The following PLEKHH1 variants were observed in gnomAD, a reference collection of about 807,000 sequenced individuals.
The protein encoded by PLEKHH1 is pleckstrin homology domain-containing family H member 1.
PLEKHH1 carries 104 observed loss-of-function variants against 160.0 expected under a neutral mutation model. The observed-to-expected ratio is 0.65, with a 90% CI of 0.55 to 0.76. The LOEUF (loss-of-function observed/expected upper bound fraction) is 0.76, where lower values mean the gene tolerates loss of function less well. Ranked by LOEUF, PLEKHH1 falls within the 30% of genes least tolerant of loss-of-function variation. PLEKHH1 has a pLI of 0.00. For synonymous variants in PLEKHH1, 619 were observed against 678.4 expected (o/e 0.91, Z 1.36); for missense variants, 1,427 against 1,724.1 (o/e 0.83, Z 3.05).
intron 4 of PLEKHH1, 65 bp from the exon 5 acceptor site, chr14:67,559,543 C>T (rs552480974): frequency 1.7e-6 from 2 of 1,169,858 alleles, no homozygotes; most frequent in African/African-American, 1.5e-5. Context: ...TGGGGTTTCC[C>T]ACCTCCAGTC....
rs374024390 is a variant in PLEKHH1, at chr14:67,575,434, G to T, written c.2131G>T (p.Gly711Trp). 4 of 1,609,818 alleles carry T rather than the reference G, an allele frequency of 2.5e-6. No homozygotes were observed. The African/African-American group carries it at 5.3e-5, about 22-fold the overall frequency. ...HSKVVWCALV[G>W]KIFYYYRSHE... is the part of the protein sequence containing the mutation. ...CAAGGTGGTCTGGTGCGCTCTTGTT[G>T]GGAAAATCTTCTACTACTATCGGAG... The change falls in exon 15 of 29, where the codon GGG becomes TGG. Residue 711 changes from glycine to tryptophan, a missense_variant. Coordinates refer to ENST00000329153, the MANE Select transcript of PLEKHH1 (RefSeq NM_020715.3).
intron 27 of PLEKHH1, 99 bp downstream of exon 27, chr14:67,585,753 G>C (rs981957599): frequency 5.2e-5 from 55 of 1,049,752 alleles, no homozygotes; most frequent in Non-Finnish European, 7.1e-5. Flanking sequence ...AGTGACCATG[G>C]CTGCCCTACC....
chr14:67,578,264 T>G lies in PLEKHH1; in HGVS notation c.2751+65T>G. The G allele has an allele frequency of 7.0e-7, 1 of 1,431,792 alleles. No homozygotes were observed. Among genetic ancestry groups the G allele is most frequent in the Non-Finnish European group, 9.7e-7 (1 of 1,027,222 alleles). 88.7% of individuals were successfully genotyped at this position (1,431,792 alleles called of 1,614,324 possible). On this transcript the variant is annotated intron_variant, in intron 19 of 28. Transcript: ENST00000329153. The surrounding 1 kb of genome is among the most constrained non-coding windows in gnomAD (Gnocchi z 5.0). ...GGCAAGGGCTGCCAGGTGGGAAAGG[T>G]GGGAGGAGGTGACTGGGCAGGTATA...
chr14:67,568,533 C>A (rs1441571474), intron 7 of PLEKHH1, among the ~76,000 whole-genome samples: 1 of 151,992 alleles, frequency 6.6e-6, no homozygotes, highest in African/African-American at 2.4e-5. Flanking sequence ...GTGCAGTAGA[C>A]CACCATGACA....
chr14:67,535,968 A>C (rs557303381), intron 1 of PLEKHH1, among the ~76,000 whole-genome samples: 15 of 152,336 alleles, frequency 9.8e-5, no homozygotes, highest in African/African-American at 3.6e-4. Context: ...CTGAGTCTCA[A>C]AGAAGTTAAG....
At position 67,579,735 on chromosome 14, in the gene PLEKHH1, C is replaced by T. The variant is rs74626126; in HGVS notation, c.3042C>T (p.Asp1014=). ...TCCCGCCTCAGGTGGTTGGTTTTGA[C>T]GGCTCTTCCACGGTTGATGAGTTCC... is the stretch of plus-strand genomic sequence containing the variant. ...TNGTYHVVGF[D]GSSTVDEFLQ... Residue 1014 remains aspartate, a synonymous_variant, in exon 22 of 29, where the codon GAC becomes GAT. Coordinates refer to ENST00000329153, the MANE Select transcript of PLEKHH1 (RefSeq NM_020715.3). The T allele has an allele frequency of 1.8e-3, 2,881 of 1,612,498 alleles. 52 individuals are homozygous for T. The African/African-American group carries it at 0.033, about 19-fold the overall frequency.
At chr14:67,577,025 G>A (rs1430103431) in intron 17 of PLEKHH1, among the ~76,000 whole-genome samples, 1 of 151,998 alleles carries the variant, frequency 6.6e-6, no homozygotes, top group African/African-American at 2.4e-5. Context: ...TAAGAAAGAG[G>A]CCTCCCCTGC....
chr14:67,558,274 C>G (rs1473139508), intron 4 of PLEKHH1, among the ~76,000 whole-genome samples: 1 of 152,208 alleles, frequency 6.6e-6, no homozygotes, highest in Non-Finnish European at 1.5e-5. Flanking sequence ...GGACAGATGA[C>G]TTTTAATTTC....
chr14:67,552,046 G>A (rs2034412560), intron 2 of PLEKHH1, among the ~76,000 whole-genome samples: 1 of 152,216 alleles, frequency 6.6e-6, no homozygotes, highest in African/African-American at 2.4e-5. Flanking sequence ...CTCACAGCGT[G>A]TGACAAGGAG....
intron 2 of PLEKHH1, among the ~76,000 whole-genome samples, chr14:67,551,466 A>G (rs1285432943): frequency 6.6e-6 from 1 of 152,068 alleles, no homozygotes; most frequent in Non-Finnish European, 1.5e-5. Context: ...TATTATATAT[A>G]TATATTTTTT....
intron 7 of PLEKHH1, among the ~76,000 whole-genome samples, chr14:67,565,466 A>T (rs2035046604): frequency 6.6e-6 from 1 of 152,044 alleles, no homozygotes; most frequent in Non-Finnish European, 1.5e-5. Context: ...GCTAGTCTCA[A>T]ACTCCTGGCC....
In PLEKHH1 at chr14:67,582,022, G is replaced by A. The variant is rs745437986; in HGVS notation, c.3285-47G>A. The A allele has an allele frequency of 5.1e-6, 8 of 1,575,444 alleles. No homozygotes were observed. The African/African-American group carries it at 1.1e-4, about 21-fold the overall frequency. ...CAGACCCAGAGAAAGCCCCATCCCT[G>A]TTTGGAATCCCTGCTGAGTCCTGGT... is the stretch of plus-strand genomic sequence containing the variant. On this transcript the variant is annotated intron_variant, in intron 23 of 28. Coordinates refer to ENST00000329153, the MANE Select transcript of PLEKHH1 (RefSeq NM_020715.3). The surrounding 1 kb of genome is among the most constrained non-coding windows in gnomAD (Gnocchi z 5.0).
chr14:67,579,791 G>A lies in PLEKHH1; in HGVS notation c.3098G>A (p.Arg1033Lys). 1 of 1,611,982 alleles carries A rather than the reference G, an allele frequency of 6.2e-7. No individual in the cohort carries two copies. Among genetic ancestry groups the A allele is most frequent in the Non-Finnish European group, 8.5e-7 (1 of 1,179,094 alleles). Reference protein sequence around the residue: ...LQRLNQEIGMRKPSHSGFALF... With the variant: ...LQRLNQEIGMKKPSHSGFALF... Reference sequence around the variant, plus strand: ...CGGCTGAACCAGGAGATAGGCATGAGAAAGCCATCCCACTCTGGCTTTGCC... The same window carrying A: ...CGGCTGAACCAGGAGATAGGCATGAAAAAGCCATCCCACTCTGGCTTTGCC... Residue 1033 changes from arginine to lysine, a missense_variant, in exon 22 of 29, where the codon AGA becomes AAA. Physicochemically the swap from Arg to Lys is conservative, Grantham distance 26 (BLOSUM62 2). Transcript: ENST00000329153.
At chr14:67,583,346 G>C (rs1276803100) in intron 24 of PLEKHH1, among the ~76,000 whole-genome samples, 1 of 152,084 alleles carries the variant, frequency 6.6e-6, no homozygotes, top group African/African-American at 2.4e-5. Context: ...TTTGCGCCAG[G>C]TGTCCAACTC....
chr14:67,552,633 G>A (rs2034439129), intron 2 of PLEKHH1, among the ~76,000 whole-genome samples: 1 of 148,368 alleles, frequency 6.7e-6, no homozygotes, highest in African/African-American at 2.4e-5. Context: ...TGGGCGTGGT[G>A]GCGGGTGCCT....
chr14:67,574,208 G>A lies in PLEKHH1; in HGVS notation c.1927-34G>A, dbSNP rs3742873. On this transcript the variant is annotated intron_variant, in intron 13 of 28. Coordinates refer to ENST00000329153, the MANE Select transcript of PLEKHH1 (RefSeq NM_020715.3). The surrounding 1 kb of genome is among the most constrained non-coding windows in gnomAD (Gnocchi z 4.2). ...GTCCTGGTTACTCCATTCTCCCAGC[G>A]TGCTGCCCCACCCCCATATCTCGCC... is the stretch of plus-strand genomic sequence containing the variant. The A allele has an allele frequency of 0.19, 285,987 of 1,540,936 alleles. 27,286 individuals carry two copies. The highest frequency in any genetic ancestry group is 0.25 in the Middle Eastern group (1,442 of 5,766).
Position 67,571,922 on chromosome 14 carries a change from G to A in PLEKHH1, c.1585+20G>A, listed in dbSNP as rs1024471058. The A allele has an allele frequency of 3.1e-6, 5 of 1,593,686 alleles. No individual in the cohort carries two copies. The highest frequency in any genetic ancestry group is 1.8e-5 in the Admixed American group (1 of 56,440). The stretch of plus-strand genomic sequence containing the variant: ...AGAGAGGTACAGAGAAGGGGAGCAG[G>A]GGCAGGGTGCAGCAGCAAGGAGCCC... On this transcript the variant is annotated intron_variant, in intron 10 of 28. Coordinates refer to ENST00000329153, the MANE Select transcript of PLEKHH1 (RefSeq NM_020715.3).
intron 3 of PLEKHH1, among the ~76,000 whole-genome samples, chr14:67,556,516 C>T (rs902035411): frequency 3.3e-5 from 5 of 152,110 alleles, no homozygotes; most frequent in African/African-American, 1.2e-4. Flanking sequence ...GGGGTTTAAG[C>T]AGTCCTCCTG....
In PLEKHH1 at chr14:67,577,314, G is replaced by A; in HGVS notation, c.2474G>A (p.Trp825Ter). 1 of 1,569,318 alleles carries A rather than the reference G, an allele frequency of 6.4e-7. No homozygotes were observed. The highest frequency in any genetic ancestry group is 2.4e-5 in the East Asian group (1 of 42,066). ...DGEGDPDSPL[W>*]RHPMLCYSKD... ...GTGCTTTGGGCAGATTCGCCGCTCTGGAGGCACCCCATGCTGTGCTACAGC... is the reference window on the plus strand; with the variant it reads ...GTGCTTTGGGCAGATTCGCCGCTCTAGAGGCACCCCATGCTGTGCTACAGC... Residue 825 changes from tryptophan (W) to a stop codon, truncating the protein, a stop_gained, in exon 18 of 29, where the codon TGG becomes TAG. Transcript: ENST00000329153. LOFTEE classifies it high-confidence loss of function.
Sources: gnomAD v4.1 joint callset for allele counts (sites outside exome capture counted in the v4.1 genomes callset) on GRCh38, gnomAD v4.1.1 for gene constraint, Gnocchi (gnomAD v3.1) non-coding constraint, MANE v1.5 for transcripts, NCBI Gene and HGNC (gene_info 2026-07-23, HGNC 2026-07-21) for gene names.